Variants in ZNF536 observed in about 807,000 individuals in gnomAD.
ZNF536 encodes zinc finger protein 536.
ZNF536 carries 13 observed loss-of-function variants against 84.5 expected under a neutral mutation model. The observed-to-expected ratio is 0.15, with a 90% confidence interval of 0.10 to 0.24. The LOEUF (loss-of-function observed/expected upper bound fraction) is 0.24, where lower values mean the gene tolerates loss of function less well. Among genes scored for constraint, ZNF536 ranks in the 10% least tolerant of loss-of-function variants. The pLI, the probability that ZNF536 is intolerant of heterozygous loss-of-function variation, is 1.00. For missense variants in ZNF536, 1,536 were observed against 1,747.5 expected, an observed-to-expected ratio of 0.88 and a Z score of 2.16; for synonymous variants, 811 against 742.5, an observed-to-expected ratio of 1.09 and a Z score of -1.50.
chr19:30,602,181 G>T (rs1390374495), intron 1 of ZNF536, among the ~76,000 whole-genome samples: 2 of 152,228 alleles, frequency 1.3e-5, no homozygotes, highest in Admixed American at 1.3e-4. Flanking sequence ...AAGGCAGGTG[G>T]ATATTCACAT....
chr19:30,353,027 C>A (rs1213309117), intron 3 of ZNF536, among the ~76,000 whole-genome samples: 2 of 152,168 alleles, frequency 1.3e-5, no homozygotes, highest in African/African-American at 4.8e-5. Context: ...TACTTCTTTG[C>A]CTGACATCGC....
At chr19:30,696,198 G>A (rs1172681070) in intron 1 of ZNF536, among the ~76,000 whole-genome samples, 2 of 152,096 alleles carry the variant, frequency 1.3e-5, no homozygotes, top group East Asian at 1.9e-4. Context: ...CTTTGAAGCC[G>A]GTTTAATAAG....
intron 2 of ZNF536, among the ~76,000 whole-genome samples, chr19:30,512,111 C>A (rs1430765120): frequency 6.6e-6 from 1 of 152,164 alleles, no homozygotes; most frequent in Non-Finnish European, 1.5e-5. Flanking sequence ...AGTTTCTGAG[C>A]TTCAGGATCC....
chr19:30,241,001 T>C (rs1453025881), intron 1 of ZNF536, among the ~76,000 whole-genome samples: 1 of 152,164 alleles, frequency 6.6e-6, no homozygotes, highest in African/African-American at 2.4e-5. Context: ...GCTTCCATTC[T>C]GGTGGGAGGG....
At chr19:30,653,942 C>T (rs1262995918) in intron 1 of ZNF536, among the ~76,000 whole-genome samples, 2 of 152,182 alleles carry the variant, frequency 1.3e-5, no homozygotes, top group East Asian at 3.9e-4. Flanking sequence ...AACTCTTGCC[C>T]CATCAGAACC....
At chr19:30,355,394 A>G (rs942299102) in intron 3 of ZNF536, among the ~76,000 whole-genome samples, 1 of 151,714 alleles carries the variant, frequency 6.6e-6, no homozygotes, top group Non-Finnish European at 1.5e-5. Flanking sequence ...ATTTTATTTT[A>G]CTTTTTCATT....
chr19:30,381,901 A>G (rs2049037674), intron 1 of ZNF536, among the ~76,000 whole-genome samples: 1 of 152,188 alleles, frequency 6.6e-6, no homozygotes, highest in South Asian at 2.1e-4. Flanking sequence ...GTATCAAAGC[A>G]TTGCTAAATA....
chr19:30,491,600 C>G (rs2054511315), intron 2 of ZNF536, among the ~76,000 whole-genome samples: 1 of 152,210 alleles, frequency 6.6e-6, no homozygotes, highest in Admixed American at 6.5e-5. Flanking sequence ...TGTCTTTTCC[C>G]TCAAATGGAT....
At chr19:30,679,315 G>A (rs532598451) in intron 1 of ZNF536, among the ~76,000 whole-genome samples, 3 of 152,322 alleles carry the variant, frequency 2.0e-5, no homozygotes, top group African/African-American at 4.8e-5. Flanking sequence ...TTTGGAGCCC[G>A]CAGCTAGATG....
Position 30,247,613 on chromosome 19 carries a change from G to T in ZNF536, c.-190+18940G>T, listed in dbSNP as rs903839235. Among the ~76,000 whole-genome samples the T allele has an allele frequency of 3.9e-5, 6 of 152,212 alleles. No individual in the cohort carries two copies. The South Asian group carries it at 1.2e-3, about 32-fold the overall frequency. ...GGAAGATGGATTGAGCCTAGGAGTG[G>T]AGCCAGGAGTTCAAGGCCAGCCTGG... On this transcript the variant is annotated intron_variant, in intron 1 of 5. Transcript: ENST00000585628.
At chr19:30,499,498 A>G (rs2054863680) in intron 2 of ZNF536, among the ~76,000 whole-genome samples, 1 of 152,152 alleles carries the variant, frequency 6.6e-6, no homozygotes, top group South Asian at 2.1e-4. Flanking sequence ...ATATCTACCT[A>G]TGTATCTGTC....
intron 2 of ZNF536, among the ~76,000 whole-genome samples, chr19:30,451,877 T>G (rs2052623909): frequency 6.6e-6 from 1 of 152,104 alleles, no homozygotes; most frequent in Non-Finnish European, 1.5e-5. Flanking sequence ...AAACCTAAAT[T>G]TAATGGAAAT....
intron 2 of ZNF536, among the ~76,000 whole-genome samples, chr19:30,324,396 T>C (rs551675616): frequency 3.9e-5 from 6 of 152,298 alleles, no homozygotes; most frequent in Admixed American, 2.6e-4. Flanking sequence ...CTTTCTTTTT[T>C]ATTTCAGGTA....
At chr19:30,276,304 C>G (rs10412782) in intron 1 of ZNF536, among the ~76,000 whole-genome samples, 1 of 151,938 alleles carries the variant, frequency 6.6e-6, no homozygotes, top group Non-Finnish European at 1.5e-5. Flanking sequence ...CCCAGTGGAA[C>G]GGAGAGTTAA....
chr19:30,504,584 C>G (rs952268355), intron 2 of ZNF536, among the ~76,000 whole-genome samples: 6 of 135,116 alleles, frequency 4.4e-5, no homozygotes, highest in African/African-American at 1.7e-4. Context: ...CACCCTTCCT[C>G]CTTCCCTCTC....
intron 1 of ZNF536, among the ~76,000 whole-genome samples, chr19:30,614,748 C>T (rs2048221467): frequency 6.6e-6 from 1 of 151,392 alleles, no homozygotes; most frequent in South Asian, 2.1e-4. Context: ...AGGAAATTAG[C>T]CCATTTCTGT....
rs1454476224 is a variant in ZNF536, at chr19:30,445,291, A to G, written c.1729A>G (p.Lys577Glu). ...VLVGADGSKQ[K>E]MPADLVHSTK... Reference sequence around the variant, plus strand: ...AGTGGGAGCAGATGGCTCCAAGCAGAAAATGCCTGCTGATTTGGTTCACAG... The same window carrying G: ...AGTGGGAGCAGATGGCTCCAAGCAGGAAATGCCTGCTGATTTGGTTCACAG... The change falls in exon 2 of 5, where the codon AAA becomes GAA. Residue 577 changes from lysine to glutamate, a missense_variant. Around this residue, in one of 8 missense-constraint regions of ZNF536, gnomAD observed 366 missense variants for 364.4 expected, o/e 1.00. Transcript: ENST00000355537. The surrounding 1 kb of genome is among the most constrained non-coding windows in gnomAD (Gnocchi z 4.5). The G allele has an allele frequency of 6.2e-7, 1 of 1,614,180 alleles. No individual in the cohort carries two copies.
intron 1 of ZNF536, among the ~76,000 whole-genome samples, chr19:30,442,979 C>A (rs1012578526): frequency 4.6e-5 from 7 of 151,560 alleles, no homozygotes; most frequent in South Asian, 2.1e-4. Context: ...TTTATTTTTT[C>A]CCAAAACATT....
intron 1 of ZNF536, among the ~76,000 whole-genome samples, chr19:30,580,606 G>A (rs2046887580): frequency 1.3e-5 from 2 of 152,158 alleles, no homozygotes; most frequent in African/African-American, 4.8e-5. Flanking sequence ...TCCAAAGGAG[G>A]CTGAGGAGCT....
Sources: allele counts gnomAD v4.1 joint callset (sites outside exome capture counted in the v4.1 genomes callset), GRCh38; gene constraint gnomAD v4.1.1; regional missense constraint gnomAD v4.1.1; non-coding constraint Gnocchi (gnomAD v3.1); transcripts MANE v1.5; gene names NCBI Gene and HGNC (gene_info 2026-07-23, HGNC 2026-07-21).